The following SH3RF2 variants were observed in gnomAD, a reference collection of about 807,000 sequenced individuals.
The protein encoded by SH3RF2 is SH3 domain containing ring finger 2.
SH3RF2 carries 43 observed loss-of-function variants against 59.0 expected under a neutral mutation model. The ratio of observed to expected loss-of-function variants is 0.73; its 90% CI spans 0.57 to 0.94. The LOEUF is 0.94. SH3RF2 is among the 40% of genes least tolerant of loss of function. The pLI is 0.00. For missense variants in SH3RF2, 930 were observed against 940.1 expected, an observed-to-expected ratio of 0.99 and a Z score of 0.14; for synonymous variants, 391 against 391.5, an observed-to-expected ratio of 1.00 and a Z score of 0.01.
chr5:146,010,411 G>A (rs1353920963), intron 4 of SH3RF2, among the ~76,000 whole-genome samples: 1 of 152,162 alleles, frequency 6.6e-6, no homozygotes, highest in Non-Finnish European at 1.5e-5. Flanking sequence ...GGATGGCTGG[G>A]TCAAATGGTA....
intron 2 of SH3RF2, chr5:145,997,087 G>A (rs1349988172): frequency 6.9e-6 from 4 of 577,844 alleles, no homozygotes; most frequent in Non-Finnish European, 1.3e-5. Context: ...TGTTACACAG[G>A]TAAACTCGTA....
rs185687770 is a variant in SH3RF2, at chr5:146,015,453, C to T, written c.1059+1392C>T. On this transcript the variant is annotated intron_variant, in intron 5 of 9. Transcript: ENST00000359120. The stretch of plus-strand genomic sequence containing the variant: ...GCTTTATGCCCAAAGTTCTCCTTCA[C>T]ACACACACACACAAACACACACACT... Among the ~76,000 whole-genome samples the T allele has an allele frequency of 4.8e-4, 73 of 151,878 alleles. 1 individual carries two copies. In the East Asian group the frequency reaches 0.014, roughly 28 times the overall value.
In SH3RF2 at chr5:146,004,077, T is replaced by A. The variant is rs766478063; in HGVS notation, c.668T>A (p.Ile223Asn). ...TTTCAGGACGATATCATCACTGTGA[T>A]CAGCCGAGTGGATGAGAACTGGGCA... ...TFLKDDIITV[I>N]SRVDENWAEG... Residue 223 changes from isoleucine to asparagine, a missense_variant, in exon 4 of 10, where the codon ATC (isoleucine) becomes AAC (asparagine). Ile to Asn is a moderately radical substitution (Grantham distance 149, BLOSUM62 -3). Coordinates refer to ENST00000359120, the MANE Select transcript of SH3RF2 (RefSeq NM_152550.4). The A allele has an allele frequency of 1.2e-6, 2 of 1,612,938 alleles. No individual in the cohort carries two copies. The highest frequency in any genetic ancestry group is 3.3e-5 in the Admixed American group (2 of 59,996).
intron 2 of SH3RF2, among the ~76,000 whole-genome samples, chr5:145,970,185 T>C (rs1759024645): frequency 6.6e-6 from 1 of 152,098 alleles, no homozygotes; most frequent in South Asian, 2.1e-4. Flanking sequence ...ATAATTTCTT[T>C]AGTGGTGATT....
chr5:146,057,935 T>C (rs1337376185), intron 8 of SH3RF2, among the ~76,000 whole-genome samples: 5 of 108,238 alleles, frequency 4.6e-5, no homozygotes, highest in African/African-American at 1.2e-4. Context: ...AGTGTCTCTC[T>C]CTCTCTCTCT....
intron 5 of SH3RF2, among the ~76,000 whole-genome samples, chr5:146,037,415 T>C (rs1761979062): frequency 6.6e-6 from 1 of 152,102 alleles, no homozygotes; most frequent in Non-Finnish European, 1.5e-5. Context: ...TCCCATGGGG[T>C]TCCTTTTAAG....
chr5:145,957,620 C>G (rs969796698), intron 2 of SH3RF2, among the ~76,000 whole-genome samples: 1 of 152,040 alleles, frequency 6.6e-6, no homozygotes, highest in Non-Finnish European at 1.5e-5. Context: ...TTAACCTGCT[C>G]AAAGGCACAC....
chr5:145,985,373 T>C (rs1759660546), intron 2 of SH3RF2, among the ~76,000 whole-genome samples: 1 of 152,224 alleles, frequency 6.6e-6, no homozygotes, highest in Non-Finnish European at 1.5e-5. Flanking sequence ...AAGATGTAAC[T>C]TTTTGACAAT....
chr5:146,069,317 T>C (rs1464970316), intron 9 of SH3RF2, among the ~76,000 whole-genome samples: 4 of 152,202 alleles, frequency 2.6e-5, no homozygotes, highest in Non-Finnish European at 5.9e-5. Flanking sequence ...TTGGGAGACC[T>C]TGTTGCTTCT....
chr5:145,978,271 G>C (rs1037326728), intron 2 of SH3RF2, among the ~76,000 whole-genome samples: 1 of 152,142 alleles, frequency 6.6e-6, no homozygotes, highest in Non-Finnish European at 1.5e-5. Flanking sequence ...AAGATTATAA[G>C]AGTGGCCACC....
At chr5:146,015,024 G>A (rs1761050757) in intron 5 of SH3RF2, among the ~76,000 whole-genome samples, 1 of 152,136 alleles carries the variant, frequency 6.6e-6, no homozygotes, top group Admixed American at 6.6e-5. Flanking sequence ...CAACTTGAAA[G>A]GACAAAACTC....
chr5:146,036,699 A>AG (rs1174804323), intron 5 of SH3RF2, among the ~76,000 whole-genome samples: 1 of 152,202 alleles, frequency 6.6e-6, no homozygotes, highest in African/African-American at 2.4e-5. Flanking sequence ...TATCTAAAAA[A>AG]AAGAGAAAAC....
At chr5:146,050,686 G>C (rs1052810346) in intron 7 of SH3RF2, among the ~76,000 whole-genome samples, 6 of 152,184 alleles carry the variant, frequency 3.9e-5, no homozygotes, top group Admixed American at 6.5e-5. Context: ...CAAAATTCCT[G>C]CTTACAGAAG....
chr5:146,054,901 GTTAC>G, intron 7 of SH3RF2, among the ~76,000 whole-genome samples: 2 of 152,308 alleles, frequency 1.3e-5, no homozygotes, highest in Middle Eastern at 6.8e-3. Context: ...ATTAGCAGAG[GTTAC>G]TTAATCAACA....
At chr5:145,972,676 C>G (rs1434245169) in intron 2 of SH3RF2, among the ~76,000 whole-genome samples, 1 of 152,198 alleles carries the variant, frequency 6.6e-6, no homozygotes, top group African/African-American at 2.4e-5. Flanking sequence ...CCCATCACCC[C>G]AGAGGTGATT....
intron 5 of SH3RF2, among the ~76,000 whole-genome samples, chr5:146,017,727 C>T (rs1761159132): frequency 6.6e-6 from 1 of 152,122 alleles, no homozygotes; most frequent in Non-Finnish European, 1.5e-5. Flanking sequence ...CATTCCATTT[C>T]ACTGCCTTAG....
intron 5 of SH3RF2, among the ~76,000 whole-genome samples, chr5:146,015,257 T>C (rs1330151349): frequency 1.3e-5 from 2 of 152,158 alleles, no homozygotes; most frequent in Non-Finnish European, 2.9e-5. Context: ...ACTGTCTGGG[T>C]TGCTAAGAAG....
chr5:146,068,765 G>A (rs1763163771), intron 9 of SH3RF2, among the ~76,000 whole-genome samples: 1 of 152,146 alleles, frequency 6.6e-6, no homozygotes, highest in South Asian at 2.1e-4. Flanking sequence ...CAAATAGAAG[G>A]CAGCGAGGTG....
At chr5:145,975,926 A>G (rs1394506467) in intron 2 of SH3RF2, among the ~76,000 whole-genome samples, 2 of 152,206 alleles carry the variant, frequency 1.3e-5, no homozygotes, top group Non-Finnish European at 2.9e-5. Flanking sequence ...ACATGGTATC[A>G]ATTGACCAAT....
Sources: gnomAD v4.1 joint callset for allele counts (sites outside exome capture counted in the v4.1 genomes callset) on GRCh38, gnomAD v4.1.1 for gene constraint, MANE v1.5 for transcripts, NCBI Gene and HGNC (gene_info 2026-07-23, HGNC 2026-07-21) for gene names.